Variants in USP45 observed in about 807,000 individuals in gnomAD.
The protein encoded by USP45 is ubiquitin carboxyl-terminal hydrolase 45.
Under a neutral mutation model 95.8 loss-of-function variants are expected in USP45, and 89 were observed. The observed-to-expected ratio is 0.93, with a 90% CI of 0.78 to 1.11. The LOEUF (loss-of-function observed/expected upper bound fraction) is 1.11. USP45 is among the 50% of genes least tolerant of loss of function. The pLI is 0.00. For missense variants in USP45, 898 were observed against 942.5 expected (o/e 0.95, Z 0.62); for synonymous variants, 281 against 316.2 (o/e 0.89, Z 1.18).
intron 13 of USP45, among the ~76,000 whole-genome samples, chr6:99,448,316 CTAGAATAATCAGTGTAGAGAAG>C (rs1407128811): frequency 6.6e-6 from 1 of 152,138 alleles, no homozygotes; most frequent in Non-Finnish European, 1.5e-5. Context: ...AAAGGGCTGA[CTAGAATAATCAGTGTAGAGAAG>C]TCCTTAAATG....
chr6:99,506,827 A>T (rs1387720048), intron 4 of USP45, among the ~76,000 whole-genome samples: 1 of 152,116 alleles, frequency 6.6e-6, no homozygotes, highest in Non-Finnish European at 1.5e-5. Flanking sequence ...TCTCTACAAC[A>T]CTAGAATTCT....
upstream of USP45, among the ~76,000 whole-genome samples, chr6:99,516,066 C>G (rs912810764): frequency 2.0e-5 from 3 of 152,212 alleles, no homozygotes; most frequent in Non-Finnish European, 4.4e-5. Context: ...CTTGAGCCAC[C>G]GCGCCCGGCT....
intron 7 of USP45, among the ~76,000 whole-genome samples, chr6:99,486,335 A>C (rs1793865177): frequency 6.6e-6 from 1 of 152,170 alleles, no homozygotes; most frequent in Non-Finnish European, 1.5e-5. Context: ...ACAGTATCTA[A>C]TTGCCATATA....
intron 5 of USP45, among the ~76,000 whole-genome samples, chr6:99,493,222 C>T (rs1340241737): frequency 6.6e-6 from 1 of 152,072 alleles, no homozygotes; most frequent in Non-Finnish European, 1.5e-5. Context: ...GATGGGGTTT[C>T]ACCACGTTGG....
At chr6:99,510,317 A>AT in intron 1 of USP45, 87 bp from the exon 2 acceptor site, 1 of 838,444 alleles carries the variant, frequency 1.2e-6, no homozygotes, top group Non-Finnish European at 1.9e-6. Context: ...TAAAACTGAA[A>AT]TGACTTCAAT....
chr6:99,461,417 T>C (rs1786443509), intron 13 of USP45: 23 of 985,344 alleles, frequency 2.3e-5, no homozygotes, highest in Non-Finnish European at 2.8e-5. Context: ...GGCCTATGGC[T>C]ATTTACTCTG....
intron 11 of USP45, among the ~76,000 whole-genome samples, chr6:99,466,173 GC>G (rs1255084833): frequency 1.3e-5 from 2 of 152,026 alleles, no homozygotes; most frequent in African/African-American, 4.8e-5. Context: ...CCACCACCAT[GC>G]CTGGCTAATT....
chr6:99,478,153 C>T (rs1791339600), intron 8 of USP45, among the ~76,000 whole-genome samples: 1 of 151,288 alleles, frequency 6.6e-6, no homozygotes, highest in Non-Finnish European at 1.5e-5. Context: ...ATAGCTCCTT[C>T]TCAACCAATG....
chr6:99,444,890 T>C (rs760066470), intron 14 of USP45, among the ~76,000 whole-genome samples: 5 of 152,184 alleles, frequency 3.3e-5, no homozygotes, highest in Non-Finnish European at 7.3e-5. Context: ...GTGGCAATTA[T>C]CTCCTGATCT....
intron 9 of USP45, among the ~76,000 whole-genome samples, chr6:99,469,953 T>A (rs1788982421): frequency 1.3e-5 from 2 of 152,068 alleles, no homozygotes; most frequent in Admixed American, 1.3e-4. Context: ...ACAAGTTATA[T>A]ATATGGTATA....
chr6:99,437,527 T>G (rs1398461706), intron 16 of USP45, 128 bp from the exon 17 acceptor site: 20 of 1,013,190 alleles, frequency 2.0e-5, no homozygotes, highest in Non-Finnish European at 2.6e-5. Flanking sequence ...TTTCCATACT[T>G]ACTAGGCTGG....
chr6:99,452,247 T>C (rs1204906260), intron 13 of USP45, among the ~76,000 whole-genome samples: 1 of 152,074 alleles, frequency 6.6e-6, no homozygotes, highest in Non-Finnish European at 1.5e-5. Flanking sequence ...ACAGGCAACC[T>C]ACAGAATGGG....
At chr6:99,514,858 G>A (rs1323717) in intron 1 of USP45, 3 of 152,090 alleles carry the variant, frequency 2.0e-5, no homozygotes. Context: ...AACCACCTTA[G>A]GAGATAAGTT....
intron 5 of USP45, among the ~76,000 whole-genome samples, chr6:99,500,987 A>G (rs1229289748): frequency 6.6e-6 from 1 of 152,208 alleles, no homozygotes. Flanking sequence ...CTATATTTTT[A>G]TATAGCTTTT....
intron 7 of USP45, among the ~76,000 whole-genome samples, chr6:99,484,770 G>A (rs796834344): frequency 6.1e-5 from 9 of 148,290 alleles, no homozygotes; most frequent in African/African-American, 2.2e-4. Context: ...CAGTGTGAGT[G>A]ACAGAATGAG....
chr6:99,490,273 C>T (rs1036042000), intron 5 of USP45, among the ~76,000 whole-genome samples: 1 of 152,004 alleles, frequency 6.6e-6, no homozygotes, highest in African/African-American at 2.4e-5. Flanking sequence ...AAGTGATTCT[C>T]GTGTCTCAGC....
chr6:99,499,941 T>C (rs902930400), intron 5 of USP45, among the ~76,000 whole-genome samples: 5 of 152,242 alleles, frequency 3.3e-5, no homozygotes, highest in African/African-American at 1.2e-4. Context: ...TACACCTTCT[T>C]TCAGATCTTT....
chr6:99,483,862 A>AAC (rs1331526395), intron 7 of USP45, among the ~76,000 whole-genome samples: 9 of 150,554 alleles, frequency 6.0e-5, no homozygotes, highest in Non-Finnish European at 8.9e-5. Context: ...AAAAAAAAAA[A>AAC]AGAATGTTAT....
chr6:99,451,193 G>T (rs988828962), intron 13 of USP45, among the ~76,000 whole-genome samples: 4 of 152,114 alleles, frequency 2.6e-5, no homozygotes, highest in Non-Finnish European at 4.4e-5. Flanking sequence ...GGGCAATCAG[G>T]CAGGAGAAAT....
Sources: gnomAD v4.1 joint callset for allele counts (sites outside exome capture counted in the v4.1 genomes callset) on GRCh38, gnomAD v4.1.1 for gene constraint, MANE v1.5 for transcripts, NCBI Gene and HGNC (gene_info 2026-07-23, HGNC 2026-07-21) for gene names.